The following LEP variants were observed in gnomAD, a reference collection of about 807,000 sequenced individuals.
The protein encoded by LEP is leptin.
Under a neutral mutation model 9.8 loss-of-function variants are expected in LEP, and 6 were observed. That is an observed-to-expected ratio of 0.61 (90% CI 0.34 to 1.21). LEP has a LOEUF of 1.21. LEP is among the 50% of genes most tolerant of loss of function. The pLI is 0.04. For missense variants in LEP, 134 were observed against 198.1 expected, an observed-to-expected ratio of 0.68 and a Z score of 1.94; for synonymous variants, 112 against 81.7, an observed-to-expected ratio of 1.37 and a Z score of -2.00.
chr7:128,244,308 C>A (rs548750183), intron 1 of LEP, among the ~76,000 whole-genome samples: 1 of 151,666 alleles, frequency 6.6e-6, no homozygotes, highest in African/African-American at 2.4e-5. Flanking sequence ...GGAGTAGAAA[C>A]CTATCTGTAT....
At chr7:128,248,236 G>A (rs963817895) in intron 1 of LEP, among the ~76,000 whole-genome samples, 1 of 152,148 alleles carries the variant, frequency 6.6e-6, no homozygotes, top group Non-Finnish European at 1.5e-5. Flanking sequence ...TTCGAGACCA[G>A]CCTGGCCAAC....
chr7:128,246,958 C>G (rs1273649852), intron 1 of LEP, among the ~76,000 whole-genome samples: 1 of 152,152 alleles, frequency 6.6e-6, no homozygotes, highest in Non-Finnish European at 1.5e-5. Context: ...AGAGTGCAGG[C>G]TGCGTCCCAA....
Position 128,255,952 on chromosome 7 carries a change from C to G in LEP, c.*1189C>G, listed in dbSNP as rs1306602564. On this transcript the variant is annotated 3_prime_UTR_variant, in exon 3 of 3. Coordinates refer to ENST00000308868, the MANE Select transcript of LEP (RefSeq NM_000230.3). ...GTCTTTCCTATCATGGAGTGACGGTCCCACACTGGTGACTGCGATCTTCAG... is the reference window on the plus strand; with the variant it reads ...GTCTTTCCTATCATGGAGTGACGGTGCCACACTGGTGACTGCGATCTTCAG... The G allele has an allele frequency of 6.6e-6, 1 of 152,224 alleles. No homozygotes were observed. The highest frequency in any genetic ancestry group is 6.5e-5 in the Admixed American group (1 of 15,280). The allele number at this position is 152,224 out of a possible 1,614,324, so 9.4% of individuals were successfully genotyped here.
intron 1 of LEP, among the ~76,000 whole-genome samples, chr7:128,245,568 G>A (rs951727411): frequency 6.6e-6 from 1 of 152,218 alleles, no homozygotes; most frequent in African/African-American, 2.4e-5. Context: ...GAACAGGAGG[G>A]GATCCCACAG....
chr7:128,254,862 T>C lies in LEP; in HGVS notation c.*99T>C, dbSNP rs1795318713. 2 of 1,310,108 alleles carry C rather than the reference T, an allele frequency of 1.5e-6. No individual in the cohort carries two copies. Among genetic ancestry groups the C allele is most frequent in the Admixed American group, 1.9e-5 (1 of 54,026 alleles). The allele number at this position is 1,310,108 out of a possible 1,614,324, so 81.2% of individuals were successfully genotyped here. ...TGAAGAGCATTGCATGGACACCCCT[T>C]ATCCAGGACTCTGTCAATTTCCCTG... is the stretch of plus-strand genomic sequence containing the variant. On this transcript the variant is annotated 3_prime_UTR_variant, in exon 3 of 3. Transcript: ENST00000308868.
intron 1 of LEP, among the ~76,000 whole-genome samples, chr7:128,251,671 GTT>G (rs1259632970): frequency 6.6e-6 from 1 of 152,182 alleles, no homozygotes; most frequent in African/African-American, 2.4e-5. Flanking sequence ...TTAAAAGTCT[GTT>G]ATCTTTCCCT....
chr7:128,244,246 G>GACACACAC (rs60815271), intron 1 of LEP, among the ~76,000 whole-genome samples: 1,697 of 147,108 alleles, frequency 0.012, 31 homozygotes, highest in East Asian at 0.04. Flanking sequence ...GCAAGACCCT[G>GACACACAC]ACACACACAC....
chr7:128,247,173 C>T (rs970148771), intron 1 of LEP, among the ~76,000 whole-genome samples: 7 of 152,334 alleles, frequency 4.6e-5, no homozygotes, highest in African/African-American at 1.7e-4. Flanking sequence ...CTCAGGCAGA[C>T]AGCTGATCGC....
chr7:128,250,767 G>A (rs147743935), intron 1 of LEP, among the ~76,000 whole-genome samples: 177 of 152,152 alleles, frequency 1.2e-3, no homozygotes, highest in African/African-American at 4.0e-3. Flanking sequence ...CACGAAAAGC[G>A]GAGATTAATT....
At chr7:128,243,559 C>G (rs1244671836) in intron 1 of LEP, among the ~76,000 whole-genome samples, 1 of 152,138 alleles carries the variant, frequency 6.6e-6, no homozygotes, top group East Asian at 1.9e-4. Context: ...CCTGGCCCAC[C>G]TGGGTGCTAG....
At chr7:128,249,952 T>TG (rs1795255145) in intron 1 of LEP, among the ~76,000 whole-genome samples, 1 of 152,092 alleles carries the variant, frequency 6.6e-6, no homozygotes, top group South Asian at 2.1e-4. Context: ...TTATCAGTGG[T>TG]GATAGAGGGG....
At chr7:128,249,242 A>G (rs1421459159) in intron 1 of LEP, among the ~76,000 whole-genome samples, 1 of 152,240 alleles carries the variant, frequency 6.6e-6, no homozygotes, top group African/African-American at 2.4e-5. Flanking sequence ...CCAAAAGAAC[A>G]GTGCCTTTTA....
intron 2 of LEP, 82 bp from the exon 3 acceptor site, chr7:128,254,322 A>G: frequency 7.6e-6 from 12 of 1,570,208 alleles, no homozygotes; most frequent in South Asian, 1.1e-5. Context: ...ATGACCCTCC[A>G]TGCCCACGGG....
chr7:128,251,004 G>A lies in LEP; in HGVS notation c.-28-987G>A, dbSNP rs28954102. Among the ~76,000 whole-genome samples the A allele has an allele frequency of 3.5e-3, 528 of 152,186 alleles. 4 individuals carry two copies. The highest frequency in any genetic ancestry group is 0.012 in the African/African-American group (497 of 41,514). On this transcript the variant is annotated intron_variant, in intron 1 of 2. Transcript: ENST00000308868. ...TTCCAAGACTTTGAAAGTTTCAAGCGTTCTGGGTGAATGTGTTATGCTCTC... is the reference window on the plus strand; with the variant it reads ...TTCCAAGACTTTGAAAGTTTCAAGCATTCTGGGTGAATGTGTTATGCTCTC...
intron 1 of LEP, among the ~76,000 whole-genome samples, chr7:128,245,845 C>T (rs909079419): frequency 5.3e-5 from 8 of 151,946 alleles, no homozygotes; most frequent in Admixed American, 3.9e-4. Flanking sequence ...GGGTGGATCA[C>T]GAGGTCAGGA....
At chr7:128,243,231 G>A (rs894116816) in intron 1 of LEP, among the ~76,000 whole-genome samples, 1 of 152,190 alleles carries the variant, frequency 6.6e-6, no homozygotes, top group Admixed American at 6.5e-5. Flanking sequence ...GCATGTTACC[G>A]TCTTTCCTGC....
intron 2 of LEP, among the ~76,000 whole-genome samples, chr7:128,253,398 G>A (rs879418782): frequency 5.3e-5 from 8 of 152,212 alleles, no homozygotes; most frequent in Non-Finnish European, 8.8e-5. Context: ...GTCTGTATTT[G>A]AAATTAGGAA....
chr7:128,243,975 A>T (rs1442434963), intron 1 of LEP, among the ~76,000 whole-genome samples: 2 of 152,050 alleles, frequency 1.3e-5, no homozygotes, highest in African/African-American at 4.8e-5. Context: ...GAAGTCAGGC[A>T]CCATGGCTCA....
chr7:128,251,848 T>C, intron 1 of LEP, 143 bp from the exon 2 acceptor site: 1 of 697,494 alleles, frequency 1.4e-6, no homozygotes, highest in South Asian at 1.6e-5. Context: ...GATCATGAAT[T>C]GTCTTTGACT....
Sources: gnomAD v4.1 joint callset for allele counts (sites outside exome capture counted in the v4.1 genomes callset) on GRCh38, gnomAD v4.1.1 for gene constraint, MANE v1.5 for transcripts, NCBI Gene and HGNC (gene_info 2026-07-23, HGNC 2026-07-21) for gene names.